The following RFX1 variants were observed in gnomAD, a reference collection of about 807,000 sequenced individuals.
RFX1 encodes MHC class II regulatory factor RFX1.
A neutral mutation model predicts 119.6 loss-of-function variants in RFX1; 42 were observed. The ratio of observed to expected loss-of-function variants is 0.35; its 90% confidence interval spans 0.27 to 0.45. The LOEUF is 0.45. RFX1 is among the 20% of genes least tolerant of loss of function. The pLI is 1.00. For synonymous variants in RFX1, 628 were observed against 618.5 expected, an observed-to-expected ratio of 1.02 and a Z score of -0.23; for missense variants, 1,118 against 1,368.1, an observed-to-expected ratio of 0.82 and a Z score of 2.88.
rs1974763920 is a variant in RFX1 at position 13,990,496 on chromosome 19, C to T, written c.319+3029G>A. Among the ~76,000 whole-genome samples, 1 of 151,580 alleles carries T rather than the reference C, an allele frequency of 6.6e-6. No individual in the cohort carries two copies. Among genetic ancestry groups the T allele is most frequent in the South Asian group, 2.1e-4 (1 of 4,786 alleles). On this transcript the variant is annotated intron_variant, in intron 2 of 20. Transcript: ENST00000254325. This position sits in a 1 kb window ranked among gnomAD's most constrained non-coding sequence, Gnocchi z 4.1. ...AGGAGTTCAAGACCAGCCTGGGCAA[C>T]ATAGTGAGACTCTGTCTCTACAAAA... is the stretch of plus-strand genomic sequence containing the variant.
At chr19:13,992,607 C>T in intron 2 of RFX1, among the ~76,000 whole-genome samples, 1 of 152,216 alleles carries the variant, frequency 6.6e-6, no homozygotes, top group South Asian at 2.1e-4. Context: ...CCCCAGCTGA[C>T]CTCCCTGAAG....
rs894745601 is a variant in RFX1, at chr19:13,969,612, T to C, written c.1496+382A>G. On this transcript the variant is annotated intron_variant, in intron 10 of 20. Coordinates refer to ENST00000254325, the MANE Select transcript of RFX1 (RefSeq NM_002918.5). This position sits in a 1 kb window ranked among gnomAD's most constrained non-coding sequence, Gnocchi z 4.5. ...AGGCAGAGGTTGCAGTGAGCCGAGA[T>C]TGAGTCACTGCACTCCAGCCTGGGC... 1.7e-5 allele frequency: 3 copies of C among 181,178 alleles called. No individual in the cohort carries two copies. The highest frequency in any genetic ancestry group is 4.7e-5 in the African/African-American group (2 of 42,274). The allele number at this position is 181,178 out of a possible 1,614,324, so 11.2% of individuals were successfully genotyped here. A position where few individuals can be genotyped will look rare whatever the true frequency, so the allele number is the denominator to read the frequency against.
At chr19:13,979,711 G>C (rs902495444) in intron 6 of RFX1, among the ~76,000 whole-genome samples, 169 bp from the exon 7 acceptor site, 1 of 152,126 alleles carries the variant, frequency 6.6e-6, no homozygotes, top group Non-Finnish European at 1.5e-5. Context: ...ATAAAGTGAG[G>C]CTCCCAGGAA....
Position 13,963,156 on chromosome 19 carries a change from G to A in RFX1, c.2690C>T (p.Ala897Val), listed in dbSNP as rs757967033. 9 of 1,612,446 alleles carry A rather than the reference G, an allele frequency of 5.6e-6. No homozygotes were observed. Among genetic ancestry groups the A allele is most frequent in the Middle Eastern group, 3.3e-4 (2 of 6,056 alleles). The change falls in exon 19 of 21, where the codon GCC becomes GTC. Residue 897 changes from alanine to valine, a missense_variant. By Grantham distance (64) the Ala-to-Val change is moderately conservative. This residue lies in a region of RFX1 where 138 missense variants were observed against 117.8 expected (regional missense o/e 1.17). Transcript: ENST00000254325. ...GACGGCGATGGGGGTCTCGCCCTTG[G>A]CCTGGGCTACGCGGTGCTCGATCAG... ...YYLIEHRVAQ[A>V]KGETPIAVMG...
intron 2 of RFX1, among the ~76,000 whole-genome samples, chr19:13,992,495 G>GAAAGAAAAGCAAAAAT (rs1337697209): frequency 1.3e-5 from 2 of 152,168 alleles, no homozygotes; most frequent in Non-Finnish European, 2.9e-5. Context: ...TATGTCATGA[G>GAAAGAAAAGCAAAAAT]AAAGAAAAGC....
intron 2 of RFX1, among the ~76,000 whole-genome samples, chr19:13,991,586 G>A (rs1023403450): frequency 6.6e-6 from 1 of 152,202 alleles, no homozygotes; most frequent in African/African-American, 2.4e-5. Flanking sequence ...CGCAGACACT[G>A]CCAGAAGCCT....
At chr19:14,004,231 C>T (rs555755194) in intron 1 of RFX1, among the ~76,000 whole-genome samples, 46 of 149,308 alleles carry the variant, frequency 3.1e-4, no homozygotes, top group African/African-American at 1.1e-3. Flanking sequence ...AAGGGCTAGC[C>T]GGGCGCGGTG....
chr19:13,994,734 T>C (rs958759776), intron 1 of RFX1, among the ~76,000 whole-genome samples: 4 of 149,326 alleles, frequency 2.7e-5, no homozygotes, highest in Non-Finnish European at 5.9e-5. Context: ...TGTGTGTGTG[T>C]GTGTGTGTGT....
At chr19:14,002,850 GAGGAGA>G (rs2145647088) in intron 1 of RFX1, among the ~76,000 whole-genome samples, 1 of 152,334 alleles carries the variant, frequency 6.6e-6, no homozygotes, top group South Asian at 2.1e-4. Context: ...GTACATGACA[GAGGAGA>G]AGGGTGAGGA....
In RFX1 at chr19:13,965,481, C is replaced by T. The variant is rs771351477; in HGVS notation, c.2179G>A (p.Val727Ile). 14 of 1,613,990 alleles carry T rather than the reference C, an allele frequency of 8.7e-6. No homozygotes were observed. The highest frequency in any genetic ancestry group is 1.2e-5 in the Non-Finnish European group (14 of 1,179,982). ...SLESWLTHAM[V>I]NIPEEMLRVK... is the part of the protein sequence containing the mutation. The stretch of plus-strand genomic sequence containing the variant: ...CGCAGCATCTCCTCGGGGATGTTGA[C>T]CATGGCGTGGGTGAGCCAGCTCTCC... The change falls in exon 16 of 21, where the codon GTC becomes ATC. Residue 727 changes from valine to isoleucine, a missense_variant. By Grantham distance (29) the Val-to-Ile change is conservative. Around this residue, in one of 5 missense-constraint regions of RFX1, gnomAD observed 338 missense variants for 508.9 expected, o/e 0.66. Coordinates refer to ENST00000254325, the MANE Select transcript of RFX1 (RefSeq NM_002918.5). The surrounding 1 kb of genome is among the most constrained non-coding windows in gnomAD (Gnocchi z 4.7).
chr19:13,973,336 G>GGA, intron 8 of RFX1, among the ~76,000 whole-genome samples: 1 of 152,162 alleles, frequency 6.6e-6, no homozygotes, highest in Admixed American at 6.5e-5. Flanking sequence ...CATCAGCTGG[G>GGA]CATGGTGGCT....
chr19:13,980,712 A>T lies in RFX1; in HGVS notation c.622-23T>A. 1 of 1,557,060 alleles carries T rather than the reference A, an allele frequency of 6.4e-7. No individual in the cohort carries two copies. Among genetic ancestry groups the T allele is most frequent in the South Asian group, 1.1e-5 (1 of 88,132 alleles). ...CTGCTGTAAGGGAAGGAGACACAGG[A>T]GTGCCGCTGGGGTGGGCTTGCATCC... On this transcript the variant is annotated intron_variant, in intron 5 of 20. Coordinates refer to ENST00000254325, the MANE Select transcript of RFX1 (RefSeq NM_002918.5). The surrounding 1 kb of genome is among the most constrained non-coding windows in gnomAD (Gnocchi z 5.1).
chr19:13,994,719 A>ATGTGTGTGTGTG lies in RFX1; in HGVS notation c.-52-836_-52-825dup, dbSNP rs35165719. Among the ~76,000 whole-genome samples, 580 of 125,946 alleles carry ATGTGTGTGTGTG rather than the reference A, an allele frequency of 4.6e-3. 2 individuals carry two copies. Among genetic ancestry groups the ATGTGTGTGTGTG allele is most frequent in the African/African-American group, 0.017 (540 of 32,252 alleles). 82.6% of individuals were successfully genotyped at this position (125,946 alleles called of 152,430 possible). A position where few individuals can be genotyped will look rare whatever the true frequency, so the allele number is the denominator to read the frequency against. On this transcript the variant is annotated intron_variant, in intron 1 of 20. Transcript: ENST00000254325. The stretch of plus-strand genomic sequence containing the variant: ...GACCCAAGACTCTGTCTAAATATAT[A>ATGTGTGTGTGTG]TGTGTGTGTGTGTGTGTGTGTGTGT...
rs111662452 is a variant in RFX1, at chr19:13,981,318, G to A, written c.622-629C>T. 5.4e-3 allele frequency among the ~76,000 whole-genome samples: 829 copies of A among 152,320 alleles called. 8 individuals are homozygous for A. The highest frequency in any genetic ancestry group is 0.019 in the African/African-American group (775 of 41,560). Reference sequence around the variant, plus strand: ...AGGGCTCAGAAGGCTCAAAGGGGCCGGGCATGGTGGCTCACGCCTGTAATC... The same window carrying A: ...AGGGCTCAGAAGGCTCAAAGGGGCCAGGCATGGTGGCTCACGCCTGTAATC... On this transcript the variant is annotated intron_variant, in intron 5 of 20. Coordinates refer to ENST00000254325, the MANE Select transcript of RFX1 (RefSeq NM_002918.5).
At position 13,995,734 on chromosome 19, in the gene RFX1, C is replaced by G. The variant is rs376137210; in HGVS notation, c.-52-1839G>C. Reference sequence around the variant, plus strand: ...GGCATGGTGGCACATGCCTGTAATCCCAGCTACTTAGGAGGATGAGGCAGG... The same window carrying G: ...GGCATGGTGGCACATGCCTGTAATCGCAGCTACTTAGGAGGATGAGGCAGG... On this transcript the variant is annotated intron_variant, in intron 1 of 20. Transcript: ENST00000254325. Among the ~76,000 whole-genome samples, 3 of 151,862 alleles carry G rather than the reference C, an allele frequency of 2.0e-5. No individual in the cohort carries two copies. The South Asian group carries it at 6.2e-4, about 32-fold the overall frequency.
At position 13,980,980 on chromosome 19, in the gene RFX1, C is replaced by A. The variant is rs1490253283; in HGVS notation, c.622-291G>T. Among the ~76,000 whole-genome samples, 1 of 152,204 alleles carries A rather than the reference C, an allele frequency of 6.6e-6. No individual in the cohort carries two copies. The highest frequency in any genetic ancestry group is 1.5e-5 in the Non-Finnish European group (1 of 68,042). On this transcript the variant is annotated intron_variant, in intron 5 of 20. Transcript: ENST00000254325. The surrounding 1 kb of genome is among the most constrained non-coding windows in gnomAD (Gnocchi z 5.1). ...CCCCTGAAGCTCTCCTGGGGCTGAC[C>A]CTCAAAGGTTATAGCAATGACGACA...
In RFX1 at chr19:13,979,499, G is replaced by C. The variant is rs199915135; in HGVS notation, c.782C>G (p.Pro261Arg). The C allele has an allele frequency of 3.6e-5, 57 of 1,603,530 alleles. No individual in the cohort carries two copies. In the East Asian group the frequency reaches 1.2e-3, roughly 33 times the overall value. Residue 261 changes from proline to arginine, a missense_variant, in exon 7 of 21, where the codon CCG (proline) becomes CGG (arginine). This residue lies in a region of RFX1 where 542 missense variants were observed against 602.7 expected (regional missense o/e 0.90). Transcript: ENST00000254325. ...GCCCTGCACGGTCAGCGGCTGCACC[G>C]GGCCGGGTTTGGGCGCTTGTGGAGT... Reference protein sequence around the residue: ...QATPQAPKPGPVQPLTVQGLQ... With the variant: ...QATPQAPKPGRVQPLTVQGLQ...
At chr19:13,962,954 C>A in intron 20 of RFX1, 40 bp downstream of exon 20, 2 of 1,548,640 alleles carry the variant, frequency 1.3e-6, no homozygotes, top group Non-Finnish European at 1.7e-6. Flanking sequence ...GTCCGCCACC[C>A]CCGGGACCCG....
intron 2 of RFX1, among the ~76,000 whole-genome samples, chr19:13,989,494 C>T (rs1974726186): frequency 6.6e-6 from 1 of 151,998 alleles, no homozygotes; most frequent in African/African-American, 2.4e-5. Flanking sequence ...CCTCAGCCTC[C>T]CAAGTAGCTG....
Sources: gnomAD v4.1 joint callset for allele counts (sites outside exome capture counted in the v4.1 genomes callset) on GRCh38, gnomAD v4.1.1 for gene constraint, gnomAD v4.1.1 regional missense constraint, Gnocchi (gnomAD v3.1) non-coding constraint, MANE v1.5 for transcripts, NCBI Gene and HGNC (gene_info 2026-07-23, HGNC 2026-07-21) for gene names.